The following C10orf53 variants were observed in gnomAD, a reference collection of about 807,000 sequenced individuals.
The protein encoded by C10orf53 is chromosome 10 open reading frame 53, also known as UPF0728 protein C10orf53.
In C10orf53, 8 loss-of-function variants were observed where a neutral mutation model predicts 9.4. That is an observed-to-expected ratio of 0.85 (90% CI 0.50 to 1.53). The LOEUF is 1.53. Ranked by LOEUF, C10orf53 falls within the 40% of genes most tolerant of loss-of-function variation. The probability of loss-of-function intolerance (pLI) is 0.00; values close to 1 mark genes in which losing one functional copy is unlikely to be tolerated. For missense variants in C10orf53, 117 were observed against 117.8 expected, an observed-to-expected ratio of 0.99 and a Z score of 0.03; for synonymous variants, 48 against 46.0, an observed-to-expected ratio of 1.04 and a Z score of -0.18.
At chr10:49,701,397 G>T (rs11592068), downstream of C10orf53, among the ~76,000 whole-genome samples, 20 of 151,490 alleles carry the variant, frequency 1.3e-4, no homozygotes, top group South Asian at 4.2e-4. Context: ...AAATTGCTGC[G>T]TTTTTTTTTA....
intron 1 of C10orf53, 28 bp downstream of exon 1, chr10:49,679,822 G>A: frequency 1.3e-6 from 2 of 1,517,708 alleles, no homozygotes; most frequent in African/African-American, 1.4e-5. Flanking sequence ...GTGCGCCCCT[G>A]AGGGCCCCAG....
intron 1 of C10orf53, among the ~76,000 whole-genome samples, chr10:49,689,971 G>C (rs969497212): frequency 1.3e-5 from 2 of 152,096 alleles, no homozygotes; most frequent in Non-Finnish European, 2.9e-5. Flanking sequence ...AAAGGAGGTG[G>C]GTCCGAGAGG....
chr10:49,686,406 C>G (rs888429131), intron 1 of C10orf53, among the ~76,000 whole-genome samples: 1 of 152,100 alleles, frequency 6.6e-6, no homozygotes, highest in Non-Finnish European at 1.5e-5. Flanking sequence ...TGAAAAAGAA[C>G]AGAATAACAG....
At chr10:49,707,691 TA>T in intron 2 of C10orf53, among the ~76,000 whole-genome samples, 1 of 152,154 alleles carries the variant, frequency 6.6e-6, no homozygotes, top group Non-Finnish European at 1.5e-5. Flanking sequence ...AAAAATATCT[TA>T]AACCACTTGT....
Position 49,694,631 on chromosome 10 carries a change from G to A in C10orf53, c.*29G>A, listed in dbSNP as rs754329632. ...CCTCATGGAACAGGCATCTCAAGTC[G>A]GCACAACAGCAGCTGCCCCAGCCAT... On this transcript the variant is annotated 3_prime_UTR_variant, in exon 3 of 3. Transcript: ENST00000374111. 24 of 1,613,828 alleles carry A rather than the reference G, an allele frequency of 1.5e-5. No individual in the cohort carries two copies. The highest frequency in any genetic ancestry group is 9.9e-5 in the South Asian group (9 of 91,046).
chr10:49,697,407 C>T lies in C10orf53; in HGVS notation c.*2805C>T, dbSNP rs76757173. 7.8e-3 allele frequency among the ~76,000 whole-genome samples: 1,185 copies of T among 152,290 alleles called. 20 individuals carry two copies. Among genetic ancestry groups the T allele is most frequent in the East Asian group, 0.06 (308 of 5,176 alleles). On this transcript the variant is annotated 3_prime_UTR_variant, in exon 3 of 3. Transcript: ENST00000374111. Reference sequence around the variant, plus strand: ...AAGGCAAAAGTGCCCTGTGCTTCAACGTGCTAGACATTCGGGCGCCTTCAT... The same window carrying T: ...AAGGCAAAAGTGCCCTGTGCTTCAATGTGCTAGACATTCGGGCGCCTTCAT...
At chr10:49,685,179 T>G (rs576905641) in intron 1 of C10orf53, among the ~76,000 whole-genome samples, 7 of 152,098 alleles carry the variant, frequency 4.6e-5, no homozygotes, top group African/African-American at 1.4e-4. Flanking sequence ...TACAATTGTT[T>G]GACTTTTGAT....
At chr10:49,693,722 T>A in intron 1 of C10orf53, 52 bp from the exon 2 acceptor site, 4 of 1,570,884 alleles carry the variant, frequency 2.5e-6, no homozygotes, top group Non-Finnish European at 3.5e-6. Context: ...ACCAGTCAGG[T>A]TAGTTTGAAG....
intron 2 of C10orf53, among the ~76,000 whole-genome samples, chr10:49,706,639 ATAAT>A (rs1840724126): frequency 6.6e-6 from 1 of 152,180 alleles, no homozygotes; most frequent in Admixed American, 6.5e-5. Flanking sequence ...AAAATGTCCT[ATAAT>A]TGATTGTAGT....
chr10:49,690,949 GCCTTTTCCATATC>G (rs1457445056), intron 1 of C10orf53, among the ~76,000 whole-genome samples: 1 of 152,204 alleles, frequency 6.6e-6, no homozygotes, highest in Non-Finnish European at 1.5e-5. Context: ...CAAGGAGGGA[GCCTTTTCCATATC>G]CCTTTCGTTT....
downstream of C10orf53, among the ~76,000 whole-genome samples, chr10:49,698,788 A>T (rs1564507996): frequency 1.3e-5 from 2 of 152,112 alleles, no homozygotes; most frequent in Non-Finnish European, 2.9e-5. Context: ...CACTCATAGG[A>T]CGGGGCACTG....
chr10:49,688,485 A>T (rs1840550502), intron 1 of C10orf53, among the ~76,000 whole-genome samples: 1 of 152,032 alleles, frequency 6.6e-6, no homozygotes, highest in African/African-American at 2.4e-5. Context: ...TAACACAGCC[A>T]GCTGATACCG....
chr10:49,690,836 C>A (rs747366552), intron 1 of C10orf53, among the ~76,000 whole-genome samples: 2 of 152,174 alleles, frequency 1.3e-5, no homozygotes, highest in Non-Finnish European at 2.9e-5. Context: ...TGTGTGTATG[C>A]CTCTGTGCTG....
rs182829714 is a variant in C10orf53, at chr10:49,693,366, G to A, written c.98-408G>A. 1.7e-4 allele frequency among the ~76,000 whole-genome samples: 26 copies of A among 152,202 alleles called. No individual in the cohort carries two copies. In the Middle Eastern group the frequency reaches 0.01, roughly 60 times the overall value. On this transcript the variant is annotated intron_variant, in intron 1 of 2. Coordinates refer to ENST00000374111, the MANE Select transcript of C10orf53 (RefSeq NM_001042427.3). The stretch of plus-strand genomic sequence containing the variant: ...AATCATTTTTTGAGGCTTTTGGTAC[G>A]TACTGCCAAATTGCCCTCCAGAAGG...
At chr10:49,682,550 TTGCTGCTGCTGGCGCAGG>T in intron 1 of C10orf53, among the ~76,000 whole-genome samples, 1 of 1,434 alleles carries the variant, frequency 7.0e-4, no homozygotes, top group Non-Finnish European at 3.9e-3. Context: ...CAGGAGCCAG[TTGCTGCTGCTGGCGCAGG>T]GGGACAGGAG....
intron 2 of C10orf53, among the ~76,000 whole-genome samples, chr10:49,706,272 A>G (rs575710153): frequency 1.3e-5 from 2 of 152,370 alleles, no homozygotes. Context: ...ATGCTGACAC[A>G]AAAAGCTGTA....
At chr10:49,708,398 CAGCTCCAGG>C in exon 3 of C10orf53, 1 of 1,614,198 alleles carries the variant, frequency 6.2e-7, no homozygotes, top group Non-Finnish European at 8.5e-7. Context: ...GGACCACCAG[CAGCTCCAGG>C]CTGACATTTC....
At chr10:49,708,098 G>A (rs960523970) in intron 2 of C10orf53, among the ~76,000 whole-genome samples, 1 of 152,050 alleles carries the variant, frequency 6.6e-6, no homozygotes, top group Non-Finnish European at 1.5e-5. Flanking sequence ...CACAGCTTCA[G>A]CTCCACTTCC....
intron 2 of C10orf53, among the ~76,000 whole-genome samples, chr10:49,705,116 T>A (rs1157066838): frequency 5.3e-5 from 8 of 152,228 alleles, no homozygotes; most frequent in Non-Finnish European, 1.2e-4. Flanking sequence ...TTTGGAGTAC[T>A]GTTATGGAAA....
Sources: allele counts gnomAD v4.1 joint callset (sites outside exome capture counted in the v4.1 genomes callset), GRCh38; gene constraint gnomAD v4.1.1; transcripts MANE v1.5; gene names NCBI Gene and HGNC (gene_info 2026-07-23, HGNC 2026-07-21).